SRGAP1: variants seen among roughly 807,000 people sequenced by gnomAD.
SRGAP1 encodes SLIT-ROBO Rho GTPase-activating protein 1.
A neutral mutation model predicts 121.9 loss-of-function variants in SRGAP1; 43 were observed. That is an observed-to-expected ratio of 0.35 (90% confidence interval 0.28 to 0.46). The LOEUF is 0.46. SRGAP1 is among the 20% of genes least tolerant of loss of function. The pLI is 1.00. For missense variants in SRGAP1, 1,102 were observed against 1,350.9 expected, an observed-to-expected ratio of 0.82 and a Z score of 2.89; for synonymous variants, 447 against 485.4, an observed-to-expected ratio of 0.92 and a Z score of 1.04.
chr12:63,926,270 T>A (rs1290028820), intron 1 of SRGAP1, among the ~76,000 whole-genome samples: 4 of 152,194 alleles, frequency 2.6e-5, no homozygotes, highest in African/African-American at 9.7e-5. Context: ...AAATAATAGT[T>A]AAGAGTTGCT....
chr12:63,937,449 A>G (rs956216191), intron 1 of SRGAP1, among the ~76,000 whole-genome samples: 5 of 152,228 alleles, frequency 3.3e-5, no homozygotes, highest in Non-Finnish European at 7.3e-5. Context: ...GATGTGGATA[A>G]TTTAGCATTA....
At chr12:64,091,209 G>A in intron 11 of SRGAP1, 67 bp from the exon 12 acceptor site, 1 of 1,149,402 alleles carries the variant, frequency 8.7e-7, no homozygotes. Context: ...ATATTGATGT[G>A]ACCTATAGAT....
At chr12:64,074,868 A>C (rs1220570169) in intron 8 of SRGAP1, among the ~76,000 whole-genome samples, 1 of 152,212 alleles carries the variant, frequency 6.6e-6, no homozygotes, top group Non-Finnish European at 1.5e-5. Flanking sequence ...CTATTAATTT[A>C]GTTATGCACA....
At chr12:63,997,117 T>C (rs946949915) in intron 3 of SRGAP1, among the ~76,000 whole-genome samples, 2 of 152,090 alleles carry the variant, frequency 1.3e-5, no homozygotes, top group African/African-American at 2.4e-5. Context: ...TGAAGGCAAC[T>C]GTAACACAAT....
intron 1 of SRGAP1, among the ~76,000 whole-genome samples, chr12:63,909,226 T>G (rs528225520): frequency 6.6e-5 from 10 of 152,302 alleles, no homozygotes; most frequent in African/African-American, 2.2e-4. Context: ...GATATTTACT[T>G]ATGGGTTTGT....
intron 1 of SRGAP1, among the ~76,000 whole-genome samples, chr12:63,852,233 C>T (rs573059915): frequency 1.3e-5 from 2 of 152,314 alleles, no homozygotes; most frequent in African/African-American, 4.8e-5. Flanking sequence ...AAGTGATCCA[C>T]CTGCTTGAGC....
intron 1 of SRGAP1, among the ~76,000 whole-genome samples, chr12:63,960,600 G>C (rs1407594988): frequency 6.6e-6 from 1 of 152,080 alleles, no homozygotes; most frequent in Admixed American, 6.5e-5. Context: ...CCCCAAAGAT[G>C]TTCACATCCC....
At chr12:64,080,927 A>G (rs1041264151) in intron 10 of SRGAP1, 12 of 165,302 alleles carry the variant, frequency 7.3e-5, no homozygotes, top group Non-Finnish European at 8.0e-5. Context: ...AACAACAGCA[A>G]CAGCTAACAC....
At chr12:64,042,732 A>G (rs1298854066) in intron 4 of SRGAP1, 58 bp from the exon 5 acceptor site, 2 of 1,412,416 alleles carry the variant, frequency 1.4e-6, no homozygotes, top group African/African-American at 1.4e-5. Flanking sequence ...AATGGTTCCC[A>G]TTCACTCTCT....
intron 4 of SRGAP1, among the ~76,000 whole-genome samples, chr12:64,041,425 C>A (rs1169666097): frequency 6.6e-6 from 1 of 151,678 alleles, no homozygotes; most frequent in Non-Finnish European, 1.5e-5. Flanking sequence ...CACTCTGTCA[C>A]CCAGGCTGGA....
chr12:63,950,638 G>A (rs556247095), intron 1 of SRGAP1, among the ~76,000 whole-genome samples: 28 of 152,018 alleles, frequency 1.8e-4, no homozygotes, highest in East Asian at 9.7e-4. Context: ...GTGTCCCTCC[G>A]TGCCCTCCTT....
At chr12:64,055,652 A>AG (rs2035326501) in intron 6 of SRGAP1, among the ~76,000 whole-genome samples, 1 of 152,124 alleles carries the variant, frequency 6.6e-6, no homozygotes, top group Non-Finnish European at 1.5e-5. Flanking sequence ...GTACCAAAAC[A>AG]GAGATATAGA....
chr12:64,150,715 A>G lies in SRGAP1; in HGVS notation c.*8043A>G, dbSNP rs960297296. On this transcript the variant is annotated 3_prime_UTR_variant, in exon 22 of 22. Transcript: ENST00000355086. ...CACTTTGAGAGGCCAAGGCAGGAGG[A>G]TCAAAAAATGCGAATTTTTATATTT... 3 of 50,198 alleles carry G rather than the reference A, an allele frequency of 6.0e-5. No individual in the cohort carries two copies. The highest frequency in any genetic ancestry group is 1.3e-4 in the African/African-American group (3 of 22,660). The allele number at this position is 50,198 out of a possible 1,614,324, so 3.1% of individuals were successfully genotyped here. A position where few individuals can be genotyped will look rare whatever the true frequency, so the allele number is the denominator to read the frequency against.
At chr12:64,055,161 G>C (rs1324375482) in intron 6 of SRGAP1, among the ~76,000 whole-genome samples, 1 of 149,054 alleles carries the variant, frequency 6.7e-6, no homozygotes, top group Non-Finnish European at 1.5e-5. Context: ...AAAGTCTCAG[G>C]ATACAAAATC....
chr12:64,037,991 G>A (rs1221620014), intron 4 of SRGAP1, among the ~76,000 whole-genome samples: 1 of 152,144 alleles, frequency 6.6e-6, no homozygotes, highest in African/African-American at 2.4e-5. Context: ...TGATACTTTA[G>A]ACTTTCCAAA....
intron 8 of SRGAP1, among the ~76,000 whole-genome samples, chr12:64,069,191 A>G (rs1028604312): frequency 6.6e-6 from 1 of 151,980 alleles, no homozygotes; most frequent in Admixed American, 6.6e-5. Flanking sequence ...CACTCAGCCC[A>G]CTCACCTCAT....
intron 1 of SRGAP1, among the ~76,000 whole-genome samples, chr12:63,901,832 G>A (rs1335045277): frequency 6.6e-6 from 1 of 152,170 alleles, no homozygotes; most frequent in Non-Finnish European, 1.5e-5. Flanking sequence ...AATCAAGCTT[G>A]AACTCTAAAT....
intron 1 of SRGAP1, among the ~76,000 whole-genome samples, chr12:63,862,303 A>G (rs1310948394): frequency 6.6e-6 from 1 of 152,116 alleles, no homozygotes; most frequent in Non-Finnish European, 1.5e-5. Context: ...GACCTATGAC[A>G]CTAGGCCCTG....
chr12:63,871,232 C>A (rs1174399413), intron 1 of SRGAP1, among the ~76,000 whole-genome samples: 1 of 152,212 alleles, frequency 6.6e-6, no homozygotes, highest in Non-Finnish European at 1.5e-5. Flanking sequence ...GACATCAAAT[C>A]ATGGCTATTT....
Sources: gnomAD v4.1 joint callset for allele counts (sites outside exome capture counted in the v4.1 genomes callset) on GRCh38, gnomAD v4.1.1 for gene constraint, MANE v1.5 for transcripts, NCBI Gene and HGNC (gene_info 2026-07-23, HGNC 2026-07-21) for gene names.